The following PDE11A variants were observed in gnomAD, a reference collection of about 807,000 sequenced individuals.
PDE11A encodes the protein phosphodiesterase 11A.
In PDE11A, 100 loss-of-function variants were observed where a neutral mutation model predicts 100.5. The observed-to-expected ratio is 1.00, with a 90% CI of 0.85 to 1.18. PDE11A has a LOEUF of 1.18. Ranked by LOEUF, PDE11A falls within the 50% of genes most tolerant of loss-of-function variation. PDE11A has a pLI of 0.00. For synonymous variants in PDE11A, 381 were observed against 420.8 expected (o/e 0.91, Z 1.16); for missense variants, 1,141 against 1,152.6 (o/e 0.99, Z 0.15).
intron 16 of PDE11A, chr2:177,675,737 G>T: frequency 1.5e-6 from 1 of 679,564 alleles, no homozygotes; most frequent in Non-Finnish European, 2.8e-6. Flanking sequence ...CACATCCTCT[G>T]GTGGCCCTTT....
At chr2:177,878,246 TG>T (rs776876469) in intron 4 of PDE11A, among the ~76,000 whole-genome samples, 16 of 152,340 alleles carry the variant, frequency 1.1e-4, no homozygotes, top group Middle Eastern at 3.4e-3. Context: ...TTTCCAAAGA[TG>T]GTCACAACAA....
At chr2:178,030,508 G>T (rs1440839725) in intron 1 of PDE11A, among the ~76,000 whole-genome samples, 2 of 151,790 alleles carry the variant, frequency 1.3e-5, no homozygotes, top group African/African-American at 4.8e-5. Context: ...TCCAACTAAT[G>T]GAAAAAGAAA....
chr2:177,919,272 T>C (rs1649488392), intron 2 of PDE11A, among the ~76,000 whole-genome samples: 1 of 150,812 alleles, frequency 6.6e-6, no homozygotes, highest in South Asian at 2.1e-4. Flanking sequence ...TAATTTTTTG[T>C]ATTTTTAACA....
intron 1 of PDE11A, among the ~76,000 whole-genome samples, chr2:178,021,624 A>G (rs1458393066): frequency 6.6e-6 from 1 of 152,234 alleles, no homozygotes; most frequent in Non-Finnish European, 1.5e-5. Context: ...AGATTTAACT[A>G]GCCAAGTAAT....
At chr2:177,800,418 A>C (rs1018484475) in intron 9 of PDE11A, among the ~76,000 whole-genome samples, 1 of 151,964 alleles carries the variant, frequency 6.6e-6, no homozygotes, top group Admixed American at 6.6e-5. Flanking sequence ...CAATTCTCCC[A>C]CCTTGACCTC....
chr2:177,748,778 C>T (rs998309610), intron 10 of PDE11A, among the ~76,000 whole-genome samples: 4 of 152,034 alleles, frequency 2.6e-5, no homozygotes, highest in Middle Eastern at 3.2e-3. Flanking sequence ...CTGATCGGAC[C>T]ATAAATCCTG....
intron 10 of PDE11A, among the ~76,000 whole-genome samples, chr2:177,766,674 T>A (rs775709928): frequency 2.0e-5 from 3 of 152,228 alleles, no homozygotes; most frequent in Non-Finnish European, 4.4e-5. Flanking sequence ...TGCAGGATTA[T>A]GTTAAGCCCA....
chr2:177,990,431 T>TG (rs958958797), intron 2 of PDE11A, among the ~76,000 whole-genome samples: 5 of 152,196 alleles, frequency 3.3e-5, no homozygotes, highest in South Asian at 2.1e-4. Context: ...TACAAGTATC[T>TG]GGGGGGGATA....
intron 2 of PDE11A, among the ~76,000 whole-genome samples, chr2:177,917,120 C>A (rs2084966557): frequency 6.6e-6 from 1 of 151,896 alleles, no homozygotes; most frequent in Non-Finnish European, 1.5e-5. Flanking sequence ...ATTCTGAAAC[C>A]AAGTTTATCA....
chr2:177,934,295 A>G (rs1056288963), intron 2 of PDE11A, among the ~76,000 whole-genome samples: 3 of 152,320 alleles, frequency 2.0e-5, no homozygotes, highest in East Asian at 3.9e-4. Flanking sequence ...CAAGCAAAAA[A>G]CAAATAACCC....
chr2:177,634,444 AGT>A, intron 19 of PDE11A, among the ~76,000 whole-genome samples: 1 of 146,606 alleles, frequency 6.8e-6, no homozygotes, highest in Admixed American at 6.9e-5. Context: ...GCTGGAGTGC[AGT>A]GGGGCGATCT....
chr2:177,828,996 A>G (rs2083267826), intron 6 of PDE11A, among the ~76,000 whole-genome samples: 1 of 152,114 alleles, frequency 6.6e-6, no homozygotes, highest in Non-Finnish European at 1.5e-5. Context: ...CAGGGATGAT[A>G]GTAGGCTGGA....
At chr2:178,011,654 CAT>C (rs956885813) in intron 2 of PDE11A, among the ~76,000 whole-genome samples, 3 of 152,196 alleles carry the variant, frequency 2.0e-5, no homozygotes, top group Non-Finnish European at 2.9e-5. Context: ...CTGACATACA[CAT>C]GATACCTCAC....
intron 2 of PDE11A, among the ~76,000 whole-genome samples, chr2:178,080,700 G>T (rs1435556741): frequency 1.3e-5 from 2 of 151,942 alleles, no homozygotes; most frequent in Non-Finnish European, 2.9e-5. Flanking sequence ...TATAAAATTA[G>T]AATATAAATG....
At chr2:177,686,032 C>T (rs2080942776) in intron 15 of PDE11A, among the ~76,000 whole-genome samples, 1 of 152,110 alleles carries the variant, frequency 6.6e-6, no homozygotes, top group African/African-American at 2.4e-5. Flanking sequence ...ATTAGCAACA[C>T]TAGGACAAAA....
At chr2:177,883,064 T>C (rs2084369680) in intron 4 of PDE11A, among the ~76,000 whole-genome samples, 1 of 151,664 alleles carries the variant, frequency 6.6e-6, no homozygotes, top group Admixed American at 6.6e-5. Context: ...AGATCAGGAG[T>C]TCGAGACCAG....
intron 6 of PDE11A, among the ~76,000 whole-genome samples, chr2:177,838,641 C>G (rs944000830): frequency 6.6e-6 from 1 of 152,178 alleles, no homozygotes; most frequent in Non-Finnish European, 1.5e-5. Context: ...AGGGAGCCAT[C>G]GTCTGTGGTT....
At position 178,098,933 on chromosome 2, in the gene PDE11A, G is replaced by T. The variant is rs78357102; in HGVS notation, c.162+5369C>A. ...AATCTCATGATACGATTTCTTTAAA[G>T]GCCCAAGAAAACCAGGGTTTGTATC... On this transcript the variant is annotated intron_variant, in intron 2 of 20. Coordinates refer to the PDE11A transcript ENST00000358450. Among the ~76,000 whole-genome samples the T allele has an allele frequency of 9.4e-3, 1,430 of 152,142 alleles. 21 individuals carry two copies. The highest frequency in any genetic ancestry group is 0.033 in the African/African-American group (1,366 of 41,488).
At chr2:177,833,076 C>A (rs897762451) in intron 6 of PDE11A, among the ~76,000 whole-genome samples, 13 of 152,144 alleles carry the variant, frequency 8.5e-5, no homozygotes, top group Non-Finnish European at 1.8e-4. Flanking sequence ...CTGCCTAACG[C>A]CCCTCAGTCA....
Sources: allele counts gnomAD v4.1 joint callset (sites outside exome capture counted in the v4.1 genomes callset), GRCh38; gene constraint gnomAD v4.1.1; transcripts MANE v1.5; gene names NCBI Gene and HGNC (gene_info 2026-07-23, HGNC 2026-07-21).